The following SORL1 variants were observed in gnomAD, a reference collection of about 807,000 sequenced individuals.
SORL1 encodes sortilin-related receptor.
Under a neutral mutation model 273.7 loss-of-function variants are expected in SORL1, and 127 were observed. That is an observed-to-expected ratio of 0.46 (90% confidence interval 0.40 to 0.54). The LOEUF (loss-of-function observed/expected upper bound fraction) is 0.54, where lower values mean the gene tolerates loss of function less well. SORL1 is among the 20% of genes least tolerant of loss of function. The probability of loss-of-function intolerance (pLI) is 0.00; values close to 1 mark genes in which losing one functional copy is unlikely to be tolerated. For missense variants in SORL1, 2,494 were observed against 2,846.1 expected (o/e 0.88, Z 2.81); for synonymous variants, 1,031 against 1,067.4 (o/e 0.97, Z 0.66).
At chr11:121,552,130 AAG>A (rs1202333233) in intron 16 of SORL1, among the ~76,000 whole-genome samples, 1 of 152,166 alleles carries the variant, frequency 6.6e-6, no homozygotes, top group Non-Finnish European at 1.5e-5. Flanking sequence ...TCCTATGTAA[AAG>A]AGAGAAAAAA....
intron 12 of SORL1, among the ~76,000 whole-genome samples, chr11:121,539,667 T>C (rs552991070): frequency 1.8e-3 from 275 of 152,214 alleles, no homozygotes; most frequent in African/African-American, 6.1e-3. Context: ...AAGATTTTTT[T>C]CTTTTTTTTT....
chr11:121,548,115 C>T (rs554269470), intron 14 of SORL1, among the ~76,000 whole-genome samples: 55 of 152,300 alleles, frequency 3.6e-4, no homozygotes, highest in African/African-American at 1.2e-3. Context: ...TACATATGTA[C>T]GTGTAGATAC....
intron 26 of SORL1, 84 bp from the exon 27 acceptor site, chr11:121,586,138 A>T: frequency 9.6e-7 from 1 of 1,044,888 alleles, no homozygotes; most frequent in South Asian, 1.3e-5. Context: ...TGGTGGTACC[A>T]GTGTGTACTC....
At chr11:121,488,793 G>C (rs1174798428) in intron 4 of SORL1, among the ~76,000 whole-genome samples, 5 of 152,208 alleles carry the variant, frequency 3.3e-5, no homozygotes, top group African/African-American at 9.6e-5. Context: ...AAGGATATTA[G>C]TTTGGCAAAA....
chr11:121,530,364 T>C (rs1394577572), intron 11 of SORL1, among the ~76,000 whole-genome samples: 2 of 152,218 alleles, frequency 1.3e-5, no homozygotes, highest in East Asian at 3.8e-4. Flanking sequence ...TTTCCCTCTT[T>C]TGAAATTTCT....
At chr11:121,516,790 A>G (rs1185163631) in intron 8 of SORL1, among the ~76,000 whole-genome samples, 1 of 152,136 alleles carries the variant, frequency 6.6e-6, no homozygotes, top group Non-Finnish European at 1.5e-5. Flanking sequence ...ATGGTGGCTC[A>G]CGCCTGTAAA....
chr11:121,522,851 G>GC, intron 10 of SORL1, 65 bp from the exon 11 acceptor site: 1 of 1,473,408 alleles, frequency 6.8e-7, no homozygotes, highest in Non-Finnish European at 9.5e-7. Flanking sequence ...AGAATTTCTG[G>GC]CTGGGCAAGG....
intron 6 of SORL1, among the ~76,000 whole-genome samples, chr11:121,509,711 G>A (rs1206181757): frequency 3.3e-5 from 5 of 152,054 alleles, no homozygotes; most frequent in East Asian, 1.9e-4. Context: ...TCTTGACCTC[G>A]TGATCTGCCC....
chr11:121,490,091 C>A lies in SORL1; in HGVS notation c.739C>A (p.His247Asn), dbSNP rs1363203989. The part of the protein sequence containing the change: ...FGQTWIMIQE[H>N]VKSFSWGIDP... ...CCAGACCTGGATCATGATTCAGGAA[C>A]ATGTCAAGTCCTTTTCTTGGTAAGT... is the stretch of plus-strand genomic sequence containing the variant. The change falls in exon 5 of 48, where the codon CAT becomes AAT. Residue 247 changes from histidine (H) to asparagine (N), a missense_variant. Transcript: ENST00000260197. 6.2e-7 allele frequency: 1 copy of A among 1,613,184 alleles called. No individual in the cohort carries two copies. Among genetic ancestry groups the A allele is most frequent in the Admixed American group, 1.7e-5 (1 of 60,032 alleles).
intron 19 of SORL1, 49 bp from the exon 20 acceptor site, chr11:121,558,542 C>A: frequency 1.2e-6 from 2 of 1,601,694 alleles, no homozygotes; most frequent in South Asian, 2.2e-5. Flanking sequence ...TTTGAGCTCC[C>A]ATTTCTCTAG....
chr11:121,510,597 G>A (rs1031098826), intron 6 of SORL1, among the ~76,000 whole-genome samples: 5 of 152,164 alleles, frequency 3.3e-5, no homozygotes, highest in Admixed American at 6.5e-5. Context: ...AATCCAGCAC[G>A]AAACTTCTGT....
chr11:121,497,069 G>A lies in SORL1; in HGVS notation c.939+20G>A. On this transcript the variant is annotated intron_variant, in intron 6 of 47. Transcript: ENST00000260197. ...GTGGTGGTAAGTTGAATGTACTAAA[G>A]AATAAACTACTTTTGAGTTTCCTTT... The A allele has an allele frequency of 6.2e-7, 1 of 1,601,326 alleles. No homozygotes were observed.
At chr11:121,609,823 T>C (rs1242255026) in intron 38 of SORL1, 1 of 152,242 alleles carries the variant, frequency 6.6e-6, no homozygotes, top group Non-Finnish European at 1.5e-5. Flanking sequence ...CTATTGTTGC[T>C]CGTGAATGGA....
intron 1 of SORL1, 29 bp from the exon 2 acceptor site, chr11:121,469,978 G>A (rs762929621): frequency 2.1e-6 from 3 of 1,406,574 alleles, no homozygotes; most frequent in Admixed American, 1.7e-5. Flanking sequence ...CTTATCGTGG[G>A]TCCTAATTCC....
At position 121,558,584 on chromosome 11, in the gene SORL1, T is replaced by A; in HGVS notation, c.2664-7T>A. On this transcript the variant is annotated splice_polypyrimidine_tract_variant and splice_region_variant and intron_variant, in intron 19 of 47. Transcript: ENST00000260197. ...TGAGGTATGTGTTCTGTCCCCATTT[T>A]CGCTAGGGTGATGTTCTGGACAGAC... 6.2e-7 allele frequency: 1 copy of A among 1,614,092 alleles called. No homozygotes were observed. The highest frequency in any genetic ancestry group is 8.5e-7 in the Non-Finnish European group (1 of 1,179,984).
intron 11 of SORL1, among the ~76,000 whole-genome samples, chr11:121,526,714 G>A (rs1862128990): frequency 6.6e-6 from 1 of 151,980 alleles, no homozygotes; most frequent in Admixed American, 6.5e-5. Flanking sequence ...TGGTATTACT[G>A]TAAATGGAAT....
In SORL1 at chr11:121,522,584, A is replaced by G. The variant is rs1466297121; in HGVS notation, c.1405-2A>G. On this transcript the variant is annotated splice_acceptor_variant, in intron 9 of 47. Transcript: ENST00000260197. LOFTEE classifies it high-confidence loss of function. ...ACACTGCCTGAAACTTTGGTTGTAT[A>G]GCTTTCCCAGGGCTGTTCCCTTCAT... The G allele has an allele frequency of 2.5e-6, 4 of 1,612,194 alleles. No homozygotes were observed. In the African/African-American group the frequency reaches 5.3e-5, roughly 22 times the overall value.
intron 12 of SORL1, among the ~76,000 whole-genome samples, chr11:121,542,473 G>T (rs1283759102): frequency 2.7e-5 from 4 of 148,002 alleles, no homozygotes; most frequent in African/African-American, 7.5e-5. Flanking sequence ...ATTTTTTTTT[G>T]AAGAATCTGG....
chr11:121,575,443 G>C (rs1280542395), intron 24 of SORL1, among the ~76,000 whole-genome samples: 1 of 152,264 alleles, frequency 6.6e-6, no homozygotes, highest in African/African-American at 2.4e-5. Context: ...GGGCCCTACT[G>C]TGCCCTCTCT....
Sources: gnomAD v4.1 joint callset for allele counts (sites outside exome capture counted in the v4.1 genomes callset) on GRCh38, gnomAD v4.1.1 for gene constraint, MANE v1.5 for transcripts, NCBI Gene and HGNC (gene_info 2026-07-23, HGNC 2026-07-21) for gene names.